Variants in ROBO2 observed in about 807,000 individuals in gnomAD.
ROBO2 encodes roundabout guidance receptor 2.
In ROBO2, 53 loss-of-function variants were observed where a neutral mutation model predicts 160.8. That is an observed-to-expected ratio of 0.33 (90% confidence interval 0.26 to 0.41). ROBO2 has a LOEUF of 0.41. Among genes scored for constraint, ROBO2 ranks in the 10% least tolerant of loss-of-function variants. ROBO2 has a pLI of 1.00. For missense variants in ROBO2, 1,577 were observed against 1,722.4 expected (o/e 0.92, Z 1.49); for synonymous variants, 664 against 611.7 (o/e 1.09, Z -1.26).
intron 2 of ROBO2, among the ~76,000 whole-genome samples, chr3:77,001,597 C>T (rs1252597161): frequency 6.6e-6 from 1 of 152,048 alleles, no homozygotes; most frequent in African/African-American, 2.4e-5. Context: ...GTAACTTCTC[C>T]ATTTCATAAA....
chr3:76,917,067 G>A (rs956159486), intron 2 of ROBO2, among the ~76,000 whole-genome samples: 16 of 152,102 alleles, frequency 1.1e-4, no homozygotes, highest in African/African-American at 3.1e-4. Context: ...AAAGGCAGGC[G>A]TTGATAATGA....
intron 2 of ROBO2, among the ~76,000 whole-genome samples, chr3:77,291,365 G>A (rs1217809612): frequency 1.3e-5 from 2 of 151,338 alleles, no homozygotes; most frequent in East Asian, 2.0e-4. Context: ...CGGTTAAATG[G>A]GTAAGCTGAG....
intron 2 of ROBO2, among the ~76,000 whole-genome samples, chr3:77,464,889 AC>A (rs2082613116): frequency 6.6e-6 from 1 of 152,220 alleles, no homozygotes; most frequent in African/African-American, 2.4e-5. Flanking sequence ...CTTTCCTTTA[AC>A]TAAATATGGG....
At chr3:77,042,146 C>A (rs1180204206) in intron 1 of ROBO2, among the ~76,000 whole-genome samples, 1 of 152,192 alleles carries the variant, frequency 6.6e-6, no homozygotes, top group African/African-American at 2.4e-5. Context: ...ACCTTTGCCC[C>A]CCAGCGATAG....
chr3:75,983,002 A>G (rs1397079946), intron 2 of ROBO2, among the ~76,000 whole-genome samples: 1 of 151,532 alleles, frequency 6.6e-6, no homozygotes, highest in African/African-American at 2.4e-5. Context: ...GGAAGGTTAT[A>G]TGCTGTGCAT....
Position 77,343,506 on chromosome 3 carries a change from A to C in ROBO2, c.389-133908A>C, listed in dbSNP as rs1324199800. On this transcript the variant is annotated intron_variant, in intron 2 of 25. Transcript: ENST00000461745. ...TTATTAATCGCTCATGAACCCACTTATTTACGTATTTAACATTGATAGGTT... is the reference window on the plus strand; with the variant it reads ...TTATTAATCGCTCATGAACCCACTTCTTTACGTATTTAACATTGATAGGTT... Among the ~76,000 whole-genome samples, 3 of 152,260 alleles carry C rather than the reference A, an allele frequency of 2.0e-5. No homozygotes were observed. In the East Asian group the frequency reaches 5.8e-4, roughly 29 times the overall value.
Position 77,132,785 on chromosome 3 carries a change from C to T in ROBO2, c.388+34445C>T, listed in dbSNP as rs2075968942. ...TGAGGCACTGGAAAAATGAAGATTA[C>T]TAAAGATGAAAAATAATTCATGTAA... On this transcript the variant is annotated intron_variant, in intron 2 of 25. Coordinates refer to ENST00000461745, the Ensembl canonical transcript of ROBO2. 2.0e-5 allele frequency among the ~76,000 whole-genome samples: 3 copies of T among 151,538 alleles called. No individual in the cohort carries two copies. In the South Asian group the frequency reaches 6.2e-4, roughly 31 times the overall value.
At chr3:77,402,442 T>A (rs1356839255) in intron 2 of ROBO2, among the ~76,000 whole-genome samples, 2 of 151,886 alleles carry the variant, frequency 1.3e-5, no homozygotes, top group Admixed American at 6.6e-5. Context: ...ATAAAAAAAA[T>A]TAAAAATAAA....
At chr3:77,327,212 A>C (rs2065486317) in intron 2 of ROBO2, among the ~76,000 whole-genome samples, 1 of 152,224 alleles carries the variant, frequency 6.6e-6, no homozygotes, top group Admixed American at 6.5e-5. Context: ...AACTAGTACA[A>C]GTTCTGCATA....
chr3:77,048,038 C>G (rs1268454868), intron 1 of ROBO2, among the ~76,000 whole-genome samples: 1 of 151,976 alleles, frequency 6.6e-6, no homozygotes, highest in African/African-American at 2.4e-5. Flanking sequence ...CAGAGTGAGA[C>G]TCCGTCTCAA....
chr3:75,995,127 G>C (rs2065687751), intron 2 of ROBO2, among the ~76,000 whole-genome samples: 1 of 152,174 alleles, frequency 6.6e-6, no homozygotes, highest in African/African-American at 2.4e-5. Context: ...ATTAAAGCCT[G>C]CTGCAGAAAT....
At chr3:76,040,420 C>G (rs2067243056) in intron 2 of ROBO2, among the ~76,000 whole-genome samples, 1 of 151,634 alleles carries the variant, frequency 6.6e-6, no homozygotes, top group African/African-American at 2.4e-5. Flanking sequence ...ATGTCAAAAT[C>G]AAGCAAATAA....
chr3:76,361,034 C>T (rs997761151), intron 2 of ROBO2, among the ~76,000 whole-genome samples: 3 of 152,044 alleles, frequency 2.0e-5, no homozygotes, highest in Non-Finnish European at 4.4e-5. Flanking sequence ...GACAAAATCT[C>T]AATTGATACA....
chr3:77,644,989 A>G (rs992993682), intron 25 of ROBO2, 85 bp downstream of exon 27: 7 of 1,371,614 alleles, frequency 5.1e-6, no homozygotes, highest in Admixed American at 1.8e-5. Context: ...CAAATTTCAG[A>G]TTAATAGAAA....
intron 2 of ROBO2, among the ~76,000 whole-genome samples, chr3:77,442,408 A>G (rs1263380867): frequency 6.6e-6 from 1 of 152,160 alleles, no homozygotes; most frequent in Non-Finnish European, 1.5e-5. Context: ...CTGTAAAACT[A>G]TCCTGTTGTG....
At chr3:77,272,112 C>T (rs1024610703) in intron 2 of ROBO2, among the ~76,000 whole-genome samples, 6 of 152,156 alleles carry the variant, frequency 3.9e-5, no homozygotes, top group Non-Finnish European at 5.9e-5. Context: ...CTTGTCTGAT[C>T]GTCTTAAACC....
intron 6 of ROBO2, among the ~76,000 whole-genome samples, chr3:77,524,313 G>A (rs2090922972): frequency 6.6e-6 from 1 of 150,878 alleles, no homozygotes; most frequent in African/African-American, 2.4e-5. Flanking sequence ...TATGTAGGAT[G>A]AAAATCTGAT....
intron 2 of ROBO2, among the ~76,000 whole-genome samples, chr3:77,475,158 G>A (rs995116036): frequency 5.9e-5 from 9 of 152,074 alleles, no homozygotes; most frequent in Non-Finnish European, 1.2e-4. Flanking sequence ...GATTTACTGA[G>A]TACTATACAA....
intron 2 of ROBO2, among the ~76,000 whole-genome samples, chr3:76,545,295 A>G (rs573065103): frequency 6.6e-6 from 1 of 151,982 alleles, no homozygotes; most frequent in African/African-American, 2.4e-5. Context: ...ATTTTTATCT[A>G]TGTCGGACAA....
Sources: allele counts gnomAD v4.1 joint callset (sites outside exome capture counted in the v4.1 genomes callset), GRCh38; gene constraint gnomAD v4.1.1; transcripts MANE v1.5; gene names NCBI Gene and HGNC (gene_info 2026-07-23, HGNC 2026-07-21).